The following SLC36A1 variants were observed in gnomAD, a reference collection of about 807,000 sequenced individuals.
SLC36A1 encodes proton-coupled amino acid transporter 1.
A neutral mutation model predicts 47.5 loss-of-function variants in SLC36A1; 30 were observed. That is an observed-to-expected ratio of 0.63 (90% CI 0.47 to 0.86). SLC36A1 has a LOEUF of 0.86. Ranked by LOEUF, SLC36A1 falls within the 40% of genes least tolerant of loss-of-function variation. SLC36A1 has a pLI of 0.00. For synonymous variants in SLC36A1, 255 were observed against 249.7 expected (o/e 1.02, Z -0.20); for missense variants, 517 against 606.0 (o/e 0.85, Z 1.54).
the SLC36A1 span, chr5:151,544,993 T>C: frequency 6.2e-7 from 1 of 1,614,170 alleles, no homozygotes; most frequent in Non-Finnish European, 8.5e-7. Flanking sequence ...AGGTGTCCGA[T>C]TGTCCCTCAC....
At chr5:151,388,108 G>A in the SLC36A1 span, among the ~76,000 whole-genome samples, 1 of 152,164 alleles carries the variant, frequency 6.6e-6, no homozygotes, top group African/African-American at 2.4e-5. Context: ...TTCAGATCCA[G>A]GAGAGATTCA....
the SLC36A1 span, chr5:151,529,328 C>T: frequency 6.2e-7 from 1 of 1,614,150 alleles, no homozygotes; most frequent in South Asian, 1.1e-5. Flanking sequence ...TCCGGCTGCA[C>T]TCAATGGACA....
the SLC36A1 span, chr5:151,510,156 G>T: frequency 6.2e-7 from 1 of 1,614,088 alleles, no homozygotes; most frequent in African/African-American, 1.3e-5. Flanking sequence ...GAACTGTGGG[G>T]GACATTTGCA....
At chr5:151,504,787 A>G in the SLC36A1 span, 5 of 152,730 alleles carry the variant, frequency 3.3e-5, no homozygotes, top group South Asian at 8.3e-4. Context: ...GAATTCTTTA[A>G]CAAAGAAGGT....
At chr5:151,550,670 CCAG>C in the SLC36A1 span, 1 of 1,614,084 alleles carries the variant, frequency 6.2e-7, no homozygotes, top group Non-Finnish European at 8.5e-7. Context: ...CTGCTTGGGT[CCAG>C]CTGGAAGAGG....
intron 1 of SLC36A1, among the ~76,000 whole-genome samples, chr5:151,438,083 A>G (rs564801511): frequency 2.8e-4 from 43 of 152,218 alleles, no homozygotes; most frequent in African/African-American, 1.0e-3. Flanking sequence ...GAGATCCTTA[A>G]CTTCATCACA....
chr5:151,449,859 TTCAAC>T (rs1208371403), intron 1 of SLC36A1, among the ~76,000 whole-genome samples: 2 of 152,266 alleles, frequency 1.3e-5, no homozygotes, highest in African/African-American at 4.8e-5. Context: ...TAAGTTTTCT[TTCAAC>T]TCAAGAGTCT....
downstream of SLC36A1, among the ~76,000 whole-genome samples, chr5:151,496,394 G>A (rs1055700795): frequency 2.6e-5 from 4 of 152,172 alleles, no homozygotes; most frequent in Non-Finnish European, 4.4e-5. Context: ...TCAGCAGCGC[G>A]AAAACAGACT....
upstream of SLC36A1, among the ~76,000 whole-genome samples, chr5:151,435,569 A>AT (rs558605906): frequency 1.3e-5 from 2 of 152,082 alleles, no homozygotes; most frequent in South Asian, 2.1e-4. Context: ...GTGAATAGAG[A>AT]TTTTTTTAAG....
At chr5:151,368,858 C>G in the SLC36A1 span, among the ~76,000 whole-genome samples, 3 of 152,162 alleles carry the variant, frequency 2.0e-5, no homozygotes, top group African/African-American at 7.2e-5. Flanking sequence ...AAGGCAGAAC[C>G]CAGAGCTGCA....
chr5:151,521,980 A>G, the SLC36A1 span: 1 of 1,614,150 alleles, frequency 6.2e-7, no homozygotes. Context: ...TCCAACAGTG[A>G]TGAAGATCTC....
the SLC36A1 span, among the ~76,000 whole-genome samples, chr5:151,519,461 G>A: frequency 3.9e-5 from 6 of 152,146 alleles, no homozygotes; most frequent in Admixed American, 2.6e-4. Flanking sequence ...TTCCCACCCC[G>A]GCTGGATATC....
At chr5:151,471,270 ACT>A (rs1208343582) in intron 7 of SLC36A1, among the ~76,000 whole-genome samples, 3 of 152,248 alleles carry the variant, frequency 2.0e-5, no homozygotes, top group Non-Finnish European at 4.4e-5. Context: ...GGGAGGACTT[ACT>A]GTGTTGTAGA....
At chr5:151,452,407 C>A (rs1177867392) in intron 1 of SLC36A1, 1 of 152,224 alleles carries the variant, frequency 6.6e-6, no homozygotes, top group African/African-American at 2.4e-5. Flanking sequence ...GTTCCAAAGT[C>A]CAAACCAATG....
chr5:151,418,606 A>T, the SLC36A1 span, among the ~76,000 whole-genome samples: 22 of 152,290 alleles, frequency 1.4e-4, no homozygotes, highest in African/African-American at 4.8e-4. Flanking sequence ...GAATCAGTGT[A>T]TTTACCCAAT....
At position 151,488,524 on chromosome 5, in the gene SLC36A1, A is replaced by C. The variant is rs1232229855; in HGVS notation, c.*270A>C. On this transcript the variant is annotated 3_prime_UTR_variant, in exon 11 of 11. Coordinates refer to ENST00000243389, the MANE Select transcript of SLC36A1 (RefSeq NM_078483.4). ...CAGAACTTTCCAGCTCCCCCTCATC[A>C]TGCCTCCTCCTTCCTACCTGCCTCC... The C allele has an allele frequency of 2.1e-6, 1 of 471,036 alleles. No individual in the cohort carries two copies. The highest frequency in any genetic ancestry group is 2.7e-5 in the South Asian group (1 of 37,136). 29.2% of individuals were successfully genotyped at this position (471,036 alleles called of 1,614,324 possible).
the SLC36A1 span, among the ~76,000 whole-genome samples, chr5:151,426,611 T>C: frequency 6.6e-6 from 1 of 152,070 alleles, no homozygotes; most frequent in Non-Finnish European, 1.5e-5. Flanking sequence ...GATCGGGTGT[T>C]AAACACCGAG....
the SLC36A1 span, among the ~76,000 whole-genome samples, chr5:151,375,236 T>A: frequency 4.3e-4 from 66 of 152,316 alleles, no homozygotes; most frequent in African/African-American, 1.4e-3. Flanking sequence ...GATTTTTGTA[T>A]ATGGTGAGAG....
At chr5:151,370,807 A>C in the SLC36A1 span, among the ~76,000 whole-genome samples, 1 of 152,132 alleles carries the variant, frequency 6.6e-6, no homozygotes, top group East Asian at 1.9e-4. Flanking sequence ...AGCCTGGCCA[A>C]CATGGTGAAA....
Sources: gnomAD v4.1 joint callset for allele counts (sites outside exome capture counted in the v4.1 genomes callset) on GRCh38, gnomAD v4.1.1 for gene constraint, MANE v1.5 for transcripts, NCBI Gene and HGNC (gene_info 2026-07-23, HGNC 2026-07-21) for gene names.